Variants in RALGAPA2 observed in about 807,000 individuals in gnomAD.
RALGAPA2 encodes Ral GTPase activating protein catalytic subunit alpha 2, also known as ral GTPase-activating protein subunit alpha-2.
In RALGAPA2, 139 loss-of-function variants were observed where a neutral mutation model predicts 230.4. That is an observed-to-expected ratio of 0.60 (90% confidence interval 0.53 to 0.69). The LOEUF (loss-of-function observed/expected upper bound fraction) is 0.69, where lower values mean the gene tolerates loss of function less well. RALGAPA2 is among the 30% of genes least tolerant of loss of function. The pLI is 0.00. For missense variants in RALGAPA2, 2,163 were observed against 2,276.0 expected (o/e 0.95, Z 1.01); for synonymous variants, 847 against 837.8 (o/e 1.01, Z -0.19).
chr20:20,573,100 A>G, intron 20 of RALGAPA2, 32 bp from the exon 21 acceptor site: 3 of 1,519,944 alleles, frequency 2.0e-6, no homozygotes, highest in Non-Finnish European at 2.7e-6. Flanking sequence ...TTAACCCTGT[A>G]AACAATCTTG....
intron 22 of RALGAPA2, 79 bp from the exon 23 acceptor site, chr20:20,571,692 T>C: frequency 1.3e-6 from 2 of 1,521,470 alleles, no homozygotes; most frequent in Non-Finnish European, 1.8e-6. Context: ...TTCTCAGTTT[T>C]CCTTAAGAGT....
chr20:20,656,014 G>A (rs910466524), intron 3 of RALGAPA2, among the ~76,000 whole-genome samples: 9 of 152,178 alleles, frequency 5.9e-5, no homozygotes, highest in African/African-American at 2.2e-4. Flanking sequence ...TGACCTTACT[G>A]GAAATGTTCT....
chr20:20,464,719 A>G (rs1383384611), intron 37 of RALGAPA2, among the ~76,000 whole-genome samples: 1 of 152,246 alleles, frequency 6.6e-6, no homozygotes, highest in Non-Finnish European at 1.5e-5. Context: ...CAAGATTTCC[A>G]TATAAATGTG....
chr20:20,528,534 G>C (rs566489383), intron 27 of RALGAPA2, among the ~76,000 whole-genome samples: 1 of 152,192 alleles, frequency 6.6e-6, no homozygotes, highest in Admixed American at 6.5e-5. Flanking sequence ...AGGAGAAGGA[G>C]GAAAGTCAGT....
chr20:20,654,095 CA>C (rs756863196), intron 3 of RALGAPA2, among the ~76,000 whole-genome samples: 2 of 152,024 alleles, frequency 1.3e-5, no homozygotes, highest in Middle Eastern at 6.8e-3. Flanking sequence ...AATTAATGGC[CA>C]AAAAAACTAA....
chr20:20,512,501 T>C lies in RALGAPA2; in HGVS notation c.4856+12A>G. On this transcript the variant is annotated intron_variant, in intron 32 of 39. Transcript: ENST00000202677. ...ATGATAAAATAACTGGAGGTCTAGC[T>C]TGGATTGTTACCTTCTGTCCCAAGA... The C allele has an allele frequency of 6.4e-7, 1 of 1,570,716 alleles. No individual in the cohort carries two copies. The highest frequency in any genetic ancestry group is 8.6e-7 in the Non-Finnish European group (1 of 1,161,140).
intron 36 of RALGAPA2, among the ~76,000 whole-genome samples, chr20:20,487,159 T>G (rs2061933050): frequency 6.6e-6 from 1 of 152,224 alleles, no homozygotes; most frequent in Non-Finnish European, 1.5e-5. Flanking sequence ...TATGATGTAT[T>G]GGGTAAAATG....
intron 37 of RALGAPA2, among the ~76,000 whole-genome samples, chr20:20,459,748 C>T (rs1602432632): frequency 2.0e-5 from 3 of 152,150 alleles, no homozygotes; most frequent in Admixed American, 1.3e-4. Flanking sequence ...TATGACATTT[C>T]CCACCTATCA....
intron 3 of RALGAPA2, among the ~76,000 whole-genome samples, chr20:20,674,657 T>C (rs917813686): frequency 6.6e-6 from 1 of 152,158 alleles, no homozygotes; most frequent in African/African-American, 2.4e-5. Flanking sequence ...AATCCAGCAG[T>C]GGGACTGAAT....
chr20:20,692,162 C>G (rs574296994), intron 1 of RALGAPA2, among the ~76,000 whole-genome samples: 1 of 152,256 alleles, frequency 6.6e-6, no homozygotes, highest in Admixed American at 6.5e-5. Flanking sequence ...CCCATTATTC[C>G]TTTATAGGAA....
rs1439561399 is a variant in RALGAPA2, at chr20:20,695,436, T to A, written c.107-14635A>T. Among the ~76,000 whole-genome samples the A allele has an allele frequency of 2.6e-5, 4 of 152,234 alleles. No individual in the cohort carries two copies. In the East Asian group the frequency reaches 7.7e-4, roughly 29 times the overall value. On this transcript the variant is annotated intron_variant, in intron 1 of 39. Coordinates refer to ENST00000202677, the MANE Select transcript of RALGAPA2 (RefSeq NM_020343.4). ...TTTGACACTTTTGAATGCAAAGATGTGATGAAATTTCCAGTCACAATGAGA... is the reference window on the plus strand; with the variant it reads ...TTTGACACTTTTGAATGCAAAGATGAGATGAAATTTCCAGTCACAATGAGA...
At chr20:20,689,923 G>A (rs2068842050) in intron 1 of RALGAPA2, among the ~76,000 whole-genome samples, 1 of 151,944 alleles carries the variant, frequency 6.6e-6, no homozygotes. Context: ...TCCCTTCCTG[G>A]ATTTTCTGCT....
chr20:20,494,520 T>C (rs1304592175), intron 36 of RALGAPA2, among the ~76,000 whole-genome samples: 1 of 152,228 alleles, frequency 6.6e-6, no homozygotes, highest in East Asian at 1.9e-4. Context: ...GATCATTGGA[T>C]TGTTCCAGCT....
At chr20:20,568,227 T>C (rs2064509293) in intron 23 of RALGAPA2, among the ~76,000 whole-genome samples, 1 of 152,176 alleles carries the variant, frequency 6.6e-6, no homozygotes, top group Admixed American at 6.5e-5. Context: ...AAAAATTCAT[T>C]GTCAAGGAAA....
At chr20:20,465,539 A>G (rs1373657899) in intron 37 of RALGAPA2, among the ~76,000 whole-genome samples, 1 of 152,146 alleles carries the variant, frequency 6.6e-6, no homozygotes, top group Non-Finnish European at 1.5e-5. Context: ...AGAAAGAAGG[A>G]AGAATGAGGC....
intron 37 of RALGAPA2, among the ~76,000 whole-genome samples, chr20:20,466,776 T>C (rs2061429949): frequency 6.6e-6 from 1 of 152,324 alleles, no homozygotes; most frequent in African/African-American, 2.4e-5. Context: ...TCCTCAGACA[T>C]TGTTCACAAT....
intron 14 of RALGAPA2, among the ~76,000 whole-genome samples, 153 bp downstream of exon 14, chr20:20,611,162 A>T (rs1276131124): frequency 6.6e-6 from 1 of 152,242 alleles, no homozygotes; most frequent in Non-Finnish European, 1.5e-5. Flanking sequence ...AATTGTAAAG[A>T]ACAGATCATA....
chr20:20,670,949 CA>C (rs576675004), intron 3 of RALGAPA2, among the ~76,000 whole-genome samples: 2,465 of 55,906 alleles, frequency 0.044, 36 homozygotes, highest in African/African-American at 0.11. Flanking sequence ...GACTCCGTCT[CA>C]AAAAAAAAAA....
At chr20:20,442,609 G>A (rs1288088516) in intron 37 of RALGAPA2, among the ~76,000 whole-genome samples, 1 of 152,178 alleles carries the variant, frequency 6.6e-6, no homozygotes, top group Non-Finnish European at 1.5e-5. Context: ...TAAACACTTT[G>A]GCTTTGCCTT....
Sources: allele counts gnomAD v4.1 joint callset (sites outside exome capture counted in the v4.1 genomes callset), GRCh38; gene constraint gnomAD v4.1.1; transcripts MANE v1.5; gene names NCBI Gene and HGNC (gene_info 2026-07-23, HGNC 2026-07-21).